OR2L13: variants seen among roughly 807,000 people sequenced by gnomAD.
OR2L13 encodes the protein olfactory receptor family 2 subfamily L member 13.
OR2L13 carries 14 observed loss-of-function variants against 15.3 expected under a neutral mutation model. The ratio of observed to expected loss-of-function variants is 0.91; its 90% confidence interval spans 0.60 to 1.43. OR2L13 has a LOEUF of 1.43. Among genes scored for constraint, OR2L13 ranks in the 40% most tolerant of loss-of-function variants. The pLI, the probability that OR2L13 is intolerant of heterozygous loss-of-function variation, is 0.00. For missense variants in OR2L13, 367 were observed against 387.9 expected, an observed-to-expected ratio of 0.95 and a Z score of 0.45; for synonymous variants, 152 against 142.9, an observed-to-expected ratio of 1.06 and a Z score of -0.45.
At chr1:248,061,144 G>T in the OR2L13 span, 5 of 1,613,486 alleles carry the variant, frequency 3.1e-6, no homozygotes, top group Non-Finnish European at 4.2e-6. Flanking sequence ...CTCGATCAAT[G>T]CTTGTGCTCA....
the OR2L13 span, among the ~76,000 whole-genome samples, chr1:247,964,666 G>T: frequency 6.6e-6 from 1 of 151,094 alleles, no homozygotes; most frequent in South Asian, 2.1e-4. Flanking sequence ...TTCTACTTTG[G>T]GACATTTTCA....
At chr1:247,960,352 T>C in the OR2L13 span, among the ~76,000 whole-genome samples, 1 of 152,156 alleles carries the variant, frequency 6.6e-6, no homozygotes, top group African/African-American at 2.4e-5. Flanking sequence ...CCACCCCTAC[T>C]GGGGGGTGCC....
the OR2L13 span, among the ~76,000 whole-genome samples, chr1:247,996,170 T>C: frequency 6.6e-6 from 1 of 152,226 alleles, no homozygotes; most frequent in East Asian, 1.9e-4. Context: ...TTTGGTCTGC[T>C]ACCACTCCAT....
the OR2L13 span, chr1:248,038,180 T>C: frequency 1.1e-6 from 1 of 940,048 alleles, no homozygotes; most frequent in African/African-American, 1.6e-5. Flanking sequence ...ACTGGGAGTC[T>C]TGTAATGCAG....
At chr1:247,964,274 G>T in the OR2L13 span, among the ~76,000 whole-genome samples, 2 of 152,224 alleles carry the variant, frequency 1.3e-5, no homozygotes, top group African/African-American at 4.8e-5. Context: ...TATCAGGATT[G>T]ATGGGCACCT....
the OR2L13 span, among the ~76,000 whole-genome samples, chr1:248,018,436 G>A: frequency 6.6e-6 from 1 of 151,902 alleles, no homozygotes; most frequent in Non-Finnish European, 1.5e-5. Flanking sequence ...ACATACTATT[G>A]CATCAGTCTT....
chr1:247,986,862 C>T, the OR2L13 span, among the ~76,000 whole-genome samples: 1 of 152,180 alleles, frequency 6.6e-6, no homozygotes, highest in Admixed American at 6.5e-5. Context: ...GTATTTTATT[C>T]TCATTGAATC....
At chr1:247,968,830 C>T in the OR2L13 span, among the ~76,000 whole-genome samples, 1 of 151,994 alleles carries the variant, frequency 6.6e-6, no homozygotes, top group Admixed American at 6.6e-5. Context: ...TTTATAGCAG[C>T]ATGATTTATA....
the OR2L13 span, among the ~76,000 whole-genome samples, chr1:248,087,953 AAAT>A: frequency 1.3e-5 from 2 of 152,192 alleles, no homozygotes; most frequent in African/African-American, 4.8e-5. Flanking sequence ...TGTATCATGA[AAAT>A]AATAATAGAT....
chr1:248,016,639 C>T, the OR2L13 span, among the ~76,000 whole-genome samples: 3 of 151,826 alleles, frequency 2.0e-5, no homozygotes, highest in African/African-American at 7.3e-5. Flanking sequence ...GTGAGTCAGC[C>T]TTATTTCAGA....
At chr1:248,078,573 AC>A in the OR2L13 span, among the ~76,000 whole-genome samples, 1 of 152,142 alleles carries the variant, frequency 6.6e-6, no homozygotes, top group Non-Finnish European at 1.5e-5. Context: ...ATTATACCAC[AC>A]CAGGATGGCA....
At chr1:248,005,907 G>A in the OR2L13 span, among the ~76,000 whole-genome samples, 1 of 152,118 alleles carries the variant, frequency 6.6e-6, no homozygotes, top group Non-Finnish European at 1.5e-5. Flanking sequence ...AGTCTTTGTT[G>A]TGCTTTGTTG....
the OR2L13 span, among the ~76,000 whole-genome samples, chr1:247,976,224 A>T: frequency 6.6e-6 from 1 of 152,222 alleles, no homozygotes. Context: ...TGTGGAGTAG[A>T]TTATTTGAAC....
the OR2L13 span, among the ~76,000 whole-genome samples, chr1:247,967,920 CTT>C: frequency 7.9e-5 from 12 of 151,340 alleles, 1 homozygote; most frequent in African/African-American, 2.9e-4. Context: ...TCTTCTTCTT[CTT>C]CCTTCTTTCT....
the OR2L13 span, among the ~76,000 whole-genome samples, chr1:247,985,283 C>T: frequency 2.6e-5 from 4 of 152,008 alleles, no homozygotes; most frequent in Admixed American, 2.0e-4. Context: ...CAACAGGCCC[C>T]GGTGTGTGAT....
chr1:247,989,046 A>G, the OR2L13 span, among the ~76,000 whole-genome samples: 1 of 152,116 alleles, frequency 6.6e-6, no homozygotes, highest in Non-Finnish European at 1.5e-5. Context: ...GGAAGGTAAA[A>G]TGAACTTGGC....
chr1:248,039,598 A>G, the OR2L13 span: 1 of 159,022 alleles, frequency 6.3e-6, no homozygotes, highest in African/African-American at 2.5e-5. Flanking sequence ...TTTTTTTTTT[A>G]ATCAAATATA....
chr1:247,977,949 TC>T, the OR2L13 span, among the ~76,000 whole-genome samples: 1 of 152,110 alleles, frequency 6.6e-6, no homozygotes, highest in Non-Finnish European at 1.5e-5. Flanking sequence ...CCGTCCAGAC[TC>T]CTTAAAAACG....
chr1:248,022,633 C>T, the OR2L13 span: 3 of 1,614,138 alleles, frequency 1.9e-6, no homozygotes, highest in Non-Finnish European at 2.5e-6. Flanking sequence ...CGCATGCACT[C>T]TGCAGAAGGG....
Sources: allele counts gnomAD v4.1 joint callset (sites outside exome capture counted in the v4.1 genomes callset), GRCh38; gene constraint gnomAD v4.1.1; transcripts MANE v1.5; gene names NCBI Gene and HGNC (gene_info 2026-07-23, HGNC 2026-07-21).